The following HDAC2 variants were observed in gnomAD, a reference collection of about 807,000 sequenced individuals.
HDAC2 encodes the protein histone deacetylase 2.
Under a neutral mutation model 68.5 loss-of-function variants are expected in HDAC2, and 5 were observed. The ratio of observed to expected loss-of-function variants is 0.07; its 90% CI spans 0.04 to 0.15. The LOEUF (loss-of-function observed/expected upper bound fraction) is 0.15. HDAC2 is among the 10% of genes least tolerant of loss of function. The probability of loss-of-function intolerance (pLI) is 1.00; values close to 1 mark genes in which losing one functional copy is unlikely to be tolerated. For synonymous variants in HDAC2, 182 were observed against 191.3 expected, an observed-to-expected ratio of 0.95 and a Z score of 0.40; for missense variants, 291 against 600.8, an observed-to-expected ratio of 0.48 and a Z score of 5.39.
At chr6:113,955,945 ACTTT>A in intron 5 of HDAC2, 64 bp downstream of exon 5, 1 of 1,178,412 alleles carries the variant, frequency 8.5e-7, no homozygotes, top group East Asian at 2.6e-5. Context: ...AAAGCCATAG[ACTTT>A]ATTTATTGTG....
intron 1 of HDAC2, chr6:113,970,485 T>C (rs1481570567): frequency 2.7e-6 from 3 of 1,110,018 alleles, no homozygotes; most frequent in Non-Finnish European, 3.3e-6. Flanking sequence ...CAAACCTGCG[T>C]TGCCACGAAT....
chr6:113,967,856 C>T (rs1418663397), intron 1 of HDAC2, among the ~76,000 whole-genome samples: 1 of 152,156 alleles, frequency 6.6e-6, no homozygotes, highest in Non-Finnish European at 1.5e-5. Flanking sequence ...AAAGAAGGAA[C>T]ATGATTCAGA....
chr6:113,954,812 T>A (rs530177532), intron 5 of HDAC2, among the ~76,000 whole-genome samples: 1 of 152,314 alleles, frequency 6.6e-6, no homozygotes, highest in South Asian at 2.1e-4. Context: ...TAATACAAAG[T>A]AGAATCTGCT....
rs891801448 is a variant in HDAC2 at position 113,936,605 on chromosome 6, G to T, written c.*4453C>A. 6.6e-6 allele frequency: 1 copy of T among 152,060 alleles called. No individual in the cohort carries two copies. The highest frequency in any genetic ancestry group is 1.5e-5 in the Non-Finnish European group (1 of 68,036). The allele number at this position is 152,060 out of a possible 1,614,324, so 9.4% of individuals were successfully genotyped here. A position where few individuals can be genotyped will look rare whatever the true frequency, so the allele number is the denominator to read the frequency against. On this transcript the variant is annotated 3_prime_UTR_variant, in exon 14 of 14. Coordinates refer to ENST00000519065, the MANE Select transcript of HDAC2 (RefSeq NM_001527.4). The stretch of plus-strand genomic sequence containing the variant: ...AGTAGGCATCAAACTGCAATAAAAG[G>T]CTCAGATACAACCCATCTGGCATCT...
rs1339502986 is a variant in HDAC2, at chr6:113,936,186, T to C, written c.*4872A>G. 2 of 152,186 alleles carry C rather than the reference T, an allele frequency of 1.3e-5. No individual in the cohort carries two copies. The highest frequency in any genetic ancestry group is 1.3e-4 in the Admixed American group (2 of 15,280). 9.4% of individuals were successfully genotyped at this position (152,186 alleles called of 1,614,324 possible). On this transcript the variant is annotated 3_prime_UTR_variant, in exon 14 of 14. Transcript: ENST00000519065. Reference sequence around the variant, plus strand: ...GTTTAATTCAAAGTTTTTAATCCAATATTGCATTCAAAAAGAATCTGTTAA... The same window carrying C: ...GTTTAATTCAAAGTTTTTAATCCAACATTGCATTCAAAAAGAATCTGTTAA...
rs1776034368 is a variant in HDAC2 at position 113,937,683 on chromosome 6, C to G, written c.*3375G>C. On this transcript the variant is annotated 3_prime_UTR_variant, in exon 14 of 14. Coordinates refer to ENST00000519065, the MANE Select transcript of HDAC2 (RefSeq NM_001527.4). ...GGCAACACAGGGAGACACCATCTCTCCAAAATAAAAATGTAAAAATCAGCT... is the reference window on the plus strand; with the variant it reads ...GGCAACACAGGGAGACACCATCTCTGCAAAATAAAAATGTAAAAATCAGCT... The G allele has an allele frequency of 6.6e-6, 1 of 151,050 alleles. No individual in the cohort carries two copies. 9.4% of individuals were successfully genotyped at this position (151,050 alleles called of 1,614,324 possible).
intron 12 of HDAC2, among the ~76,000 whole-genome samples, 179 bp from the exon 13 acceptor site, chr6:113,941,944 G>A (rs959718911): frequency 2.0e-5 from 3 of 151,948 alleles, no homozygotes; most frequent in Admixed American, 6.6e-5. Flanking sequence ...TACAAGCTAT[G>A]AATAGTCACT....
rs758156548 is a variant in HDAC2, at chr6:113,935,842, C to T, written c.*5216G>A. The T allele has an allele frequency of 6.6e-6, 1 of 152,068 alleles. No individual in the cohort carries two copies. The highest frequency in any genetic ancestry group is 1.5e-5 in the Non-Finnish European group (1 of 67,988). 9.4% of individuals were successfully genotyped at this position (152,068 alleles called of 1,614,324 possible). A position where few individuals can be genotyped will look rare whatever the true frequency, so the allele number is the denominator to read the frequency against. ...TCATAACTCTGCAGTGTTCAAAGAC[C>T]AAAGGGGTTAGGTACTTAGTTCAGT... On this transcript the variant is annotated 3_prime_UTR_variant, in exon 14 of 14. Transcript: ENST00000519065.
At chr6:113,958,424 G>A in intron 3 of HDAC2, 1 of 389,046 alleles carries the variant, frequency 2.6e-6, no homozygotes, top group Non-Finnish European at 4.6e-6. Flanking sequence ...AGCAAACTAG[G>A]AGTAGAAGAA....
rs1776111765 is a variant in HDAC2 at position 113,940,772 on chromosome 6, A to G, written c.*286T>C. The G allele has an allele frequency of 3.4e-6, 1 of 295,692 alleles. No individual in the cohort carries two copies. The highest frequency in any genetic ancestry group is 6.2e-6 in the Non-Finnish European group (1 of 160,676). The allele number at this position is 295,692 out of a possible 1,614,324, so 18.3% of individuals were successfully genotyped here. A position where few individuals can be genotyped will look rare whatever the true frequency, so the allele number is the denominator to read the frequency against. ...ACAAAAGATGGAAAAATCAGCTCAG[A>G]AAGGCCAATTACTTCTTTAATAGAT... On this transcript the variant is annotated 3_prime_UTR_variant, in exon 14 of 14. Coordinates refer to ENST00000519065, the MANE Select transcript of HDAC2 (RefSeq NM_001527.4).
At chr6:113,966,799 T>C (rs1287107025) in intron 1 of HDAC2, among the ~76,000 whole-genome samples, 3 of 151,988 alleles carry the variant, frequency 2.0e-5, no homozygotes, top group Admixed American at 6.6e-5. Context: ...GAGGTAAAAT[T>C]TGAAAGAAAA....
At position 113,941,104 on chromosome 6, in the gene HDAC2, A is replaced by G; in HGVS notation, c.1437-16T>C. On this transcript the variant is annotated splice_polypyrimidine_tract_variant and intron_variant, in intron 13 of 13. Transcript: ENST00000519065. The stretch of plus-strand genomic sequence containing the variant: ...TGATTTGGTTCTGTTAAAAGAGGCA[A>G]TGTGAAATATTAAAAATGGCACAAT... The G allele has an allele frequency of 6.2e-7, 1 of 1,604,288 alleles. No homozygotes were observed. The highest frequency in any genetic ancestry group is 2.2e-5 in the East Asian group (1 of 44,600).
chr6:113,959,461 T>C (rs1776628996), intron 2 of HDAC2: 3 of 153,252 alleles, frequency 2.0e-5, no homozygotes, highest in South Asian at 2.0e-4. Context: ...TGTACTATGC[T>C]TGGCCACACT....
chr6:113,941,601 T>A (rs866413616), intron 13 of HDAC2, 107 bp downstream of exon 13: 4 of 447,684 alleles, frequency 8.9e-6, no homozygotes, highest in Middle Eastern at 1.2e-3. Flanking sequence ...AATGATGTTC[T>A]AAGGTTCAGT....
chr6:113,949,284 C>A (rs1006646779), intron 6 of HDAC2, 24 bp from the exon 7 acceptor site: 1 of 1,335,306 alleles, frequency 7.5e-7, no homozygotes, highest in East Asian at 2.3e-5. Flanking sequence ...TTAAACTGAT[C>A]TTAGAGAATA....
At chr6:113,953,707 G>A (rs1776475850) in intron 5 of HDAC2, among the ~76,000 whole-genome samples, 1 of 152,170 alleles carries the variant, frequency 6.6e-6, no homozygotes, top group Admixed American at 6.5e-5. Context: ...ATTAAAAACT[G>A]AAGATTATAC....
At chr6:113,944,533 C>T (rs915865520) in intron 10 of HDAC2, 123 bp from the exon 11 acceptor site, 1 of 771,442 alleles carries the variant, frequency 1.3e-6, no homozygotes, top group Non-Finnish European at 2.1e-6. Flanking sequence ...ATTAAAAGGT[C>T]TCTCTTTGTT....
intron 1 of HDAC2, chr6:113,970,561 G>A: frequency 8.1e-7 from 1 of 1,241,438 alleles, no homozygotes; most frequent in Non-Finnish European, 1.0e-6. Context: ...GGCGGGGTAG[G>A]CCGGCGCCGT....
chr6:113,957,770 G>A (rs1776591913), intron 3 of HDAC2, among the ~76,000 whole-genome samples: 1 of 152,082 alleles, frequency 6.6e-6, no homozygotes, highest in African/African-American at 2.4e-5. Context: ...TTACAGGCGT[G>A]AGCCACCACA....
Sources: allele counts gnomAD v4.1 joint callset (sites outside exome capture counted in the v4.1 genomes callset), GRCh38; gene constraint gnomAD v4.1.1; transcripts MANE v1.5; gene names NCBI Gene and HGNC (gene_info 2026-07-23, HGNC 2026-07-21).